STMN2: variants seen among roughly 807,000 people sequenced by gnomAD.
STMN2 encodes the protein stathmin-2.
STMN2 carries 2 observed loss-of-function variants against 24.1 expected under a neutral mutation model. The ratio of observed to expected loss-of-function variants is 0.08; its 90% CI spans 0.03 to 0.26. The LOEUF is 0.26. Among genes scored for constraint, STMN2 ranks in the 10% least tolerant of loss-of-function variants. STMN2 has a pLI of 1.00. For missense variants in STMN2, 114 were observed against 213.6 expected (o/e 0.53, Z 2.91); for synonymous variants, 83 against 77.5 (o/e 1.07, Z -0.37).
chr8:79,636,070 A>G (rs191178976), intron 1 of STMN2, among the ~76,000 whole-genome samples: 5 of 152,150 alleles, frequency 3.3e-5, no homozygotes, highest in Admixed American at 6.5e-5. Flanking sequence ...TACAAAAATT[A>G]TCCAGGCATG....
At position 79,665,209 on chromosome 8, in the gene STMN2, C is replaced by G. The variant is rs1325150751; in HGVS notation, c.*335C>G. The stretch of plus-strand genomic sequence containing the variant: ...GTGTCTTTCCACTCAAATGAATTTG[C>G]TAGGTCTGTTCTTTTTGAAGCTCCC... On this transcript the variant is annotated 3_prime_UTR_variant, in exon 5 of 5. Coordinates refer to ENST00000220876, the MANE Select transcript of STMN2 (RefSeq NM_007029.4). The G allele has an allele frequency of 5.4e-6, 1 of 185,404 alleles. No homozygotes were observed. Among genetic ancestry groups the G allele is most frequent in the Non-Finnish European group, 1.1e-5 (1 of 89,604 alleles). 11.5% of individuals were successfully genotyped at this position (185,404 alleles called of 1,614,324 possible).
chr8:79,613,950 A>G (rs2130289397), intron 1 of STMN2, among the ~76,000 whole-genome samples: 1 of 152,356 alleles, frequency 6.6e-6, no homozygotes, highest in Admixed American at 6.5e-5. Flanking sequence ...GAGAATACAC[A>G]TATATAATTG....
rs1470467811 is a variant in STMN2 at position 79,653,823 on chromosome 8, G to C, written c.289-1048G>C. On this transcript the variant is annotated intron_variant, in intron 3 of 4. Coordinates refer to ENST00000220876, the MANE Select transcript of STMN2 (RefSeq NM_007029.4). The stretch of plus-strand genomic sequence containing the variant: ...CTGAGAAATTATCCAGAAGCCATGA[G>C]TGTGTAATAATTTAGTCTTAAACCT... 3.8e-4 allele frequency among the ~76,000 whole-genome samples: 58 copies of C among 152,324 alleles called. 1 individual carries two copies. Among genetic ancestry groups the C allele is most frequent in the South Asian group, 2.7e-3 (13 of 4,826 alleles).
intron 1 of STMN2, among the ~76,000 whole-genome samples, chr8:79,624,287 T>C (rs1454220305): frequency 2.0e-5 from 3 of 151,430 alleles, no homozygotes; most frequent in Non-Finnish European, 4.4e-5. Flanking sequence ...ACCCCGTCTC[T>C]ACTAAAAGTA....
chr8:79,626,232 C>T (rs1456649422), intron 1 of STMN2, among the ~76,000 whole-genome samples: 1 of 152,174 alleles, frequency 6.6e-6, no homozygotes, highest in African/African-American at 2.4e-5. Flanking sequence ...AACATTCACT[C>T]ACTAGTATTG....
chr8:79,659,276 CAA>C (rs1244686287), intron 4 of STMN2, among the ~76,000 whole-genome samples: 1 of 152,018 alleles, frequency 6.6e-6, no homozygotes, highest in African/African-American at 2.4e-5. Context: ...ATCCAGGACT[CAA>C]AAGACTAGTC....
chr8:79,632,561 A>G (rs1295673503), intron 1 of STMN2, among the ~76,000 whole-genome samples: 1 of 152,216 alleles, frequency 6.6e-6, no homozygotes, highest in African/African-American at 2.4e-5. Context: ...GGTCCCGCGA[A>G]TGACGTTTTC....
At chr8:79,663,683 TA>T in intron 4 of STMN2, 1 of 1,479,278 alleles carries the variant, frequency 6.8e-7, no homozygotes, top group Non-Finnish European at 9.0e-7. Context: ...TCTACAGAAA[TA>T]TAAATAATAC....
At chr8:79,644,826 A>G (rs1192433612) in intron 3 of STMN2, among the ~76,000 whole-genome samples, 3 of 151,934 alleles carry the variant, frequency 2.0e-5, no homozygotes, top group East Asian at 4.0e-4. Context: ...ATATTAATCT[A>G]GGCAGCTCTG....
At chr8:79,624,858 A>G (rs1487011136) in intron 1 of STMN2, among the ~76,000 whole-genome samples, 1 of 152,238 alleles carries the variant, frequency 6.6e-6, no homozygotes, top group Non-Finnish European at 1.5e-5. Context: ...TTTACTATCT[A>G]ACAATGAATT....
intron 1 of STMN2, among the ~76,000 whole-genome samples, chr8:79,627,619 T>A (rs1809687892): frequency 6.6e-6 from 1 of 152,212 alleles, no homozygotes; most frequent in Non-Finnish European, 1.5e-5. Context: ...CCCTGATAGT[T>A]AAACAATTTG....
At chr8:79,646,336 C>T (rs1191471005) in intron 3 of STMN2, among the ~76,000 whole-genome samples, 2 of 151,694 alleles carry the variant, frequency 1.3e-5, no homozygotes, top group African/African-American at 4.8e-5. Flanking sequence ...TAAATACATA[C>T]ACAGCATATT....
At position 79,664,932 on chromosome 8, in the gene STMN2, T is replaced by C; in HGVS notation, c.*58T>C. 6.6e-7 allele frequency: 1 copy of C among 1,520,206 alleles called. No individual in the cohort carries two copies. Among genetic ancestry groups the C allele is most frequent in the Non-Finnish European group, 9.0e-7 (1 of 1,110,800 alleles). The allele number at this position is 1,520,206 out of a possible 1,614,324, so 94.2% of individuals were successfully genotyped here. ...GTAAATCCCCCTGCCTATATTATAATGGATCATGCGATATCAGGATGGGGA... is the reference window on the plus strand; with the variant it reads ...GTAAATCCCCCTGCCTATATTATAACGGATCATGCGATATCAGGATGGGGA... On this transcript the variant is annotated 3_prime_UTR_variant, in exon 5 of 5. Transcript: ENST00000220876.
intron 3 of STMN2, among the ~76,000 whole-genome samples, chr8:79,644,227 T>A (rs1390393938): frequency 6.6e-6 from 1 of 152,180 alleles, no homozygotes; most frequent in Non-Finnish European, 1.5e-5. Context: ...GACTAAAAAG[T>A]CTAGGAGTGG....
At chr8:79,662,434 G>C (rs1223445524) in intron 4 of STMN2, among the ~76,000 whole-genome samples, 1 of 152,026 alleles carries the variant, frequency 6.6e-6, no homozygotes, top group African/African-American at 2.4e-5. Flanking sequence ...ATTGCAAACA[G>C]TGAGCTGATA....
At chr8:79,664,705 A>C in intron 4 of STMN2, 110 bp from the exon 5 acceptor site, 1 of 961,112 alleles carries the variant, frequency 1.0e-6, no homozygotes. Context: ...AAATGGGAAA[A>C]ATTCATAAAA....
At chr8:79,630,702 C>A (rs1206999311) in intron 1 of STMN2, among the ~76,000 whole-genome samples, 2 of 152,138 alleles carry the variant, frequency 1.3e-5, no homozygotes, top group Admixed American at 6.6e-5. Flanking sequence ...TCATGGCAGC[C>A]TCAAATTGCT....
intron 3 of STMN2, among the ~76,000 whole-genome samples, chr8:79,641,967 C>A (rs1361578084): frequency 1.3e-5 from 2 of 152,152 alleles, no homozygotes; most frequent in African/African-American, 4.8e-5. Context: ...TGCTTCCTCC[C>A]TCTCAGGATC....
intron 1 of STMN2, among the ~76,000 whole-genome samples, chr8:79,623,936 A>G (rs969701621): frequency 6.6e-6 from 1 of 152,218 alleles, no homozygotes; most frequent in African/African-American, 2.4e-5. Flanking sequence ...TTTTTTAAAA[A>G]AACGTTTTGT....
Sources: allele counts gnomAD v4.1 joint callset (sites outside exome capture counted in the v4.1 genomes callset), GRCh38; gene constraint gnomAD v4.1.1; transcripts MANE v1.5; gene names NCBI Gene and HGNC (gene_info 2026-07-23, HGNC 2026-07-21).